MAP4K3: variants seen among roughly 807,000 people sequenced by gnomAD.
MAP4K3 encodes the protein MAPK/ERK kinase kinase kinase 3.
MAP4K3 carries 94 observed loss-of-function variants against 143.5 expected under a neutral mutation model. That is an observed-to-expected ratio of 0.65 (90% CI 0.55 to 0.78). The LOEUF (loss-of-function observed/expected upper bound fraction) is 0.78, where lower values mean the gene tolerates loss of function less well. Among genes scored for constraint, MAP4K3 ranks in the 30% least tolerant of loss-of-function variants. The pLI, the probability that MAP4K3 is intolerant of heterozygous loss-of-function variation, is 0.00. For missense variants in MAP4K3, 1,077 were observed against 1,068.1 expected (o/e 1.01, Z -0.12); for synonymous variants, 416 against 347.2 (o/e 1.20, Z -2.20).
rs780645266 is a variant in MAP4K3, at chr2:39,265,253, T to G, written c.2086A>C (p.Ile696Leu). 9 of 1,613,736 alleles carry G rather than the reference T, an allele frequency of 5.6e-6. No individual in the cohort carries two copies. Among genetic ancestry groups the G allele is most frequent in the African/African-American group, 1.3e-5 (1 of 75,034 alleles). ...GGTTCAACCCATTCTAATAGAACAATGCTAGTCTGAAGTGCTCCACATAGG... is the reference window on the plus strand; with the variant it reads ...GGTTCAACCCATTCTAATAGAACAAGGCTAGTCTGAAGTGCTCCACATAGG... ...KYLCGALQTS[I>L]VLLEWVEPMQ... is the part of the protein sequence containing the mutation. Residue 696 changes from isoleucine (I) to leucine (L), a missense_variant, in exon 28 of 34, where the codon ATT becomes CTT. Coordinates refer to ENST00000263881, the MANE Select transcript of MAP4K3 (RefSeq NM_003618.4).
At chr2:39,356,971 C>T (rs1294363338) in intron 2 of MAP4K3, among the ~76,000 whole-genome samples, 1 of 152,214 alleles carries the variant, frequency 6.6e-6, no homozygotes, top group Non-Finnish European at 1.5e-5. Flanking sequence ...GAGAGGCCTA[C>T]ACTCAAGCAG....
Position 39,437,027 on chromosome 2 carries a change from G to T in MAP4K3, c.-40C>A, listed in dbSNP as rs748279752. The T allele has an allele frequency of 4.5e-6, 7 of 1,547,386 alleles. No individual in the cohort carries two copies. Among genetic ancestry groups the T allele is most frequent in the Non-Finnish European group, 6.2e-6 (7 of 1,130,014 alleles). On this transcript the variant is annotated 5_prime_UTR_variant, in exon 1 of 34. Coordinates refer to ENST00000263881, the MANE Select transcript of MAP4K3 (RefSeq NM_003618.4). ...GCCCCCCGCCTCCCTCCCGGGCAGGGGAGGGGGGCCGCTCAGGGGGCCACA... is the reference window on the plus strand; with the variant it reads ...GCCCCCCGCCTCCCTCCCGGGCAGGTGAGGGGGGCCGCTCAGGGGGCCACA...
intron 3 of MAP4K3, among the ~76,000 whole-genome samples, chr2:39,345,404 G>A (rs1055552056): frequency 3.3e-5 from 5 of 152,040 alleles, no homozygotes; most frequent in Admixed American, 1.3e-4. Flanking sequence ...GTGACAGACC[G>A]AGATCTGAAT....
intron 3 of MAP4K3, among the ~76,000 whole-genome samples, chr2:39,353,614 A>G (rs1665520133): frequency 6.6e-6 from 1 of 152,216 alleles, no homozygotes; most frequent in South Asian, 2.1e-4. Context: ...AAATTCTCTC[A>G]AGAATCTTAT....
intron 2 of MAP4K3, among the ~76,000 whole-genome samples, chr2:39,368,396 G>A (rs1665984822): frequency 6.6e-6 from 1 of 152,172 alleles, no homozygotes; most frequent in Non-Finnish European, 1.5e-5. Flanking sequence ...GCTGGACACA[G>A]TGGCTCATGT....
chr2:39,323,471 G>A (rs937713300), intron 12 of MAP4K3: 4 of 152,138 alleles, frequency 2.6e-5, no homozygotes, highest in African/African-American at 9.7e-5. Flanking sequence ...TTACAGCTTT[G>A]TTATGCACCA....
rs1466099558 is a variant in MAP4K3 at position 39,436,997 on chromosome 2, C to T, written c.-10G>A. 6.2e-7 allele frequency: 1 copy of T among 1,607,414 alleles called. No homozygotes were observed. The highest frequency in any genetic ancestry group is 1.7e-5 in the Admixed American group (1 of 59,742). ...CGAAGCCGGGGTTCATGGCGGGCCC[C>T]AGGTGCCCCCCGCCTCCCTCCCGGG... On this transcript the variant is annotated 5_prime_UTR_variant, in exon 1 of 34. Transcript: ENST00000263881.
intron 2 of MAP4K3, among the ~76,000 whole-genome samples, chr2:39,370,296 A>C (rs1311986912): frequency 6.6e-6 from 1 of 152,238 alleles, no homozygotes. Flanking sequence ...AAGAATAATT[A>C]TCATGAATGA....
chr2:39,331,199 AG>A (rs1683671619), intron 8 of MAP4K3, among the ~76,000 whole-genome samples: 1 of 152,160 alleles, frequency 6.6e-6, no homozygotes, highest in African/African-American at 2.4e-5. Flanking sequence ...AAAGCAAGGT[AG>A]GAATTCCAGG....
intron 8 of MAP4K3, among the ~76,000 whole-genome samples, chr2:39,329,694 C>G (rs1458660301): frequency 6.6e-6 from 1 of 152,178 alleles, no homozygotes; most frequent in Non-Finnish European, 1.5e-5. Context: ...AGACTGCAGA[C>G]TCAAGAGACA....
Position 39,251,816 on chromosome 2 carries a change from G to A in MAP4K3, c.2597+14C>T. On this transcript the variant is annotated intron_variant, in intron 33 of 33. Transcript: ENST00000263881. ...CGTTTAGTACTGTGTATTTAATACA[G>A]TCCGTTTTCATACCTGTCAGATCCA... The A allele has an allele frequency of 6.2e-7, 1 of 1,610,562 alleles. No individual in the cohort carries two copies. The highest frequency in any genetic ancestry group is 8.5e-7 in the Non-Finnish European group (1 of 1,177,032).
intron 24 of MAP4K3, among the ~76,000 whole-genome samples, chr2:39,275,736 A>G (rs1681222000): frequency 6.6e-6 from 1 of 152,202 alleles, no homozygotes; most frequent in Non-Finnish European, 1.5e-5. Flanking sequence ...TTCCAGATTA[A>G]AAGATTTACA....
At chr2:39,377,753 CACAAG>C (rs1265239792) in intron 2 of MAP4K3, among the ~76,000 whole-genome samples, 1 of 152,118 alleles carries the variant, frequency 6.6e-6, no homozygotes, top group Non-Finnish European at 1.5e-5. Flanking sequence ...ACACTGACAC[CACAAG>C]ACGTCAGCCT....
intron 2 of MAP4K3, among the ~76,000 whole-genome samples, chr2:39,377,089 A>T (rs895953784): frequency 6.6e-6 from 1 of 151,952 alleles, no homozygotes; most frequent in Non-Finnish European, 1.5e-5. Context: ...TATCACTTCT[A>T]AAAAGTTTAT....
At chr2:39,269,446 T>C (rs1680919319) in intron 26 of MAP4K3, among the ~76,000 whole-genome samples, 1 of 148,904 alleles carries the variant, frequency 6.7e-6, no homozygotes, top group South Asian at 2.1e-4. Context: ...CATAGAAATC[T>C]GAAGCTTAGA....
At chr2:39,389,159 T>A (rs1666586788) in intron 1 of MAP4K3, among the ~76,000 whole-genome samples, 1 of 151,998 alleles carries the variant, frequency 6.6e-6, no homozygotes, top group African/African-American at 2.4e-5. Context: ...CTAACAAAAA[T>A]GACTTGGCAG....
intron 1 of MAP4K3, among the ~76,000 whole-genome samples, chr2:39,389,840 C>T (rs1666604313): frequency 6.6e-6 from 1 of 151,990 alleles, no homozygotes; most frequent in South Asian, 2.1e-4. Flanking sequence ...AAATAAACTA[C>T]CAATCTTGGG....
chr2:39,280,418 AT>A, intron 22 of MAP4K3, 62 bp from the exon 23 acceptor site: 1 of 913,878 alleles, frequency 1.1e-6, no homozygotes, highest in Non-Finnish European at 1.7e-6. Flanking sequence ...AATATATAAA[AT>A]GTAACTATTA....
chr2:39,306,968 TTGTATG>T (rs1204516935), intron 15 of MAP4K3, among the ~76,000 whole-genome samples: 5 of 152,194 alleles, frequency 3.3e-5, no homozygotes, highest in African/African-American at 1.2e-4. Context: ...GGGTAAGAGT[TTGTATG>T]TGTAAGTATA....
Sources: gnomAD v4.1 joint callset for allele counts (sites outside exome capture counted in the v4.1 genomes callset) on GRCh38, gnomAD v4.1.1 for gene constraint, MANE v1.5 for transcripts, NCBI Gene and HGNC (gene_info 2026-07-23, HGNC 2026-07-21) for gene names.